Variants in ALDH16A1 observed in about 807,000 individuals in gnomAD.
ALDH16A1 encodes aldehyde dehydrogenase 16 family member A1, also known as aldehyde dehydrogenase family 16 member A1.
Under a neutral mutation model 96.1 loss-of-function variants are expected in ALDH16A1, and 88 were observed. The ratio of observed to expected loss-of-function variants is 0.92; its 90% CI spans 0.77 to 1.09. The LOEUF (loss-of-function observed/expected upper bound fraction) is 1.09. ALDH16A1 is among the 50% of genes least tolerant of loss of function. The probability of loss-of-function intolerance (pLI) is 0.00; values close to 1 mark genes in which losing one functional copy is unlikely to be tolerated. For missense variants in ALDH16A1, 1,250 were observed against 1,112.6 expected, an observed-to-expected ratio of 1.12 and a Z score of -1.76; for synonymous variants, 522 against 496.4, an observed-to-expected ratio of 1.05 and a Z score of -0.69.
chr19:49,470,264 A>G, intron 16 of ALDH16A1, 42 bp from the exon 17 acceptor site: 1 of 1,608,120 alleles, frequency 6.2e-7, no homozygotes, highest in Middle Eastern at 1.7e-4. Flanking sequence ...GCTCAGCAAC[A>G]AGCCTGCAGA....
rs774176254 is a variant in ALDH16A1 at position 49,468,518 on chromosome 19, C to T, written c.2076C>T (p.Val692=). ...APALAYGNTV[V]MVPSAACPLL... ...CCCTGGCCTACGGCAACACTGTGGT[C>T]ATGGTGCCCAGTGCGGCCTGTCCTC... Residue 692 remains valine, a synonymous_variant, in exon 15 of 17, where the codon GTC becomes GTT. Coordinates refer to ENST00000293350, the MANE Select transcript of ALDH16A1 (RefSeq NM_153329.4). The surrounding 1 kb of genome is among the most constrained non-coding windows in gnomAD (Gnocchi z 4.4). The T allele has an allele frequency of 1.4e-5, 22 of 1,604,556 alleles. No individual in the cohort carries two copies. Among genetic ancestry groups the T allele is most frequent in the Non-Finnish European group, 1.8e-5 (21 of 1,179,908 alleles).
intron 16 of ALDH16A1, chr19:49,470,093 T>C: frequency 8.9e-6 from 5 of 564,382 alleles, no homozygotes; most frequent in Non-Finnish European, 1.6e-5. Context: ...CCTTTCAACA[T>C]GGGCTGTTAA....
Position 49,459,302 on chromosome 19 carries a change from A to G in ALDH16A1, c.320+216A>G, listed in dbSNP as rs1167450360. On this transcript the variant is annotated intron_variant, in intron 3 of 16. Transcript: ENST00000293350. The surrounding 1 kb of genome is among the most constrained non-coding windows in gnomAD (Gnocchi z 4.1). The stretch of plus-strand genomic sequence containing the variant: ...CCACAAAGCCTCTATTTCCCAGGAC[A>G]TTCTTGGAGTGCATTGGGGCTCAGT... 4.6e-5 allele frequency among the ~76,000 whole-genome samples: 7 copies of G among 152,206 alleles called. No individual in the cohort carries two copies. Among genetic ancestry groups the G allele is most frequent in the Middle Eastern group, 3.2e-3 (1 of 316 alleles).
chr19:49,468,337 G>T lies in ALDH16A1; in HGVS notation c.1939-44G>T. On this transcript the variant is annotated intron_variant, in intron 14 of 16. Transcript: ENST00000293350. This position sits in a 1 kb window ranked among gnomAD's most constrained non-coding sequence, Gnocchi z 4.4. Reference sequence around the variant, plus strand: ...GGAACTGGATCTCTCATTTACTGCGGGCGGGGCTCCCCTGCCCCACACGTG... The same window carrying T: ...GGAACTGGATCTCTCATTTACTGCGTGCGGGGCTCCCCTGCCCCACACGTG... 3 of 1,571,098 alleles carry T rather than the reference G, an allele frequency of 1.9e-6. No homozygotes were observed. Among genetic ancestry groups the T allele is most frequent in the South Asian group, 1.1e-5 (1 of 88,962 alleles).
chr19:49,467,876 C>G (rs1266649873), intron 14 of ALDH16A1, among the ~76,000 whole-genome samples: 1 of 151,352 alleles, frequency 6.6e-6, no homozygotes, highest in Non-Finnish European at 1.5e-5. Flanking sequence ...GAAAATAGAC[C>G]AGGCGCAGTG....
At chr19:49,460,567 A>C (rs1401364697) in intron 4 of ALDH16A1, among the ~76,000 whole-genome samples, 3 of 151,432 alleles carry the variant, frequency 2.0e-5, no homozygotes, top group Non-Finnish European at 4.4e-5. Context: ...GGCATGCACC[A>C]CCACGCCTGG....
Position 49,470,582 on chromosome 19 carries a change from C to A in ALDH16A1, c.*115C>A. On this transcript the variant is annotated 3_prime_UTR_variant, in exon 17 of 17. Transcript: ENST00000293350. ...TGTGTCTCCCAATAAACTCTCTGACCAACCCTAGCTGTGCTTCTGCGAGAA... is the reference window on the plus strand; with the variant it reads ...TGTGTCTCCCAATAAACTCTCTGACAAACCCTAGCTGTGCTTCTGCGAGAA... 4 of 1,219,604 alleles carry A rather than the reference C, an allele frequency of 3.3e-6. No homozygotes were observed. The highest frequency in any genetic ancestry group is 4.3e-6 in the Non-Finnish European group (4 of 919,866). The allele number at this position is 1,219,604 out of a possible 1,614,324, so 75.5% of individuals were successfully genotyped here.
Position 49,470,650 on chromosome 19 carries a change from T to TTTC in ALDH16A1, c.*185_*186insCTT. On this transcript the variant is annotated 3_prime_UTR_variant, in exon 17 of 17. Coordinates refer to ENST00000293350, the MANE Select transcript of ALDH16A1 (RefSeq NM_153329.4). ...TCTGGCAGATATGAGGCTTTTTTCT[T>TTTC]TTTTTTTTTTTTTTTTGAGACAACG... The TTTC allele has an allele frequency of 6.2e-6, 2 of 320,740 alleles. No individual in the cohort carries two copies. Among genetic ancestry groups the TTTC allele is most frequent in the Non-Finnish European group, 1.0e-5 (2 of 199,454 alleles). The allele number at this position is 320,740 out of a possible 1,614,324, so 19.9% of individuals were successfully genotyped here. A position where few individuals can be genotyped will look rare whatever the true frequency, so the allele number is the denominator to read the frequency against.
chr19:49,461,744 C>T lies in ALDH16A1; in HGVS notation c.703C>T (p.Pro235Ser), dbSNP rs1414675437. 5.6e-6 allele frequency: 9 copies of T among 1,610,006 alleles called. No homozygotes were observed. The highest frequency in any genetic ancestry group is 7.6e-6 in the Non-Finnish European group (9 of 1,178,272). ...NVLSGPASLV[P>S]ILASQPGIRK... ...CCTCAGTGGCCCTGCGTCCCTGGTGCCCATCCTGGCCTCCCAGCCTGGAAT... is the reference window on the plus strand; with the variant it reads ...CCTCAGTGGCCCTGCGTCCCTGGTGTCCATCCTGGCCTCCCAGCCTGGAAT... Residue 235 changes from proline to serine, a missense_variant, in exon 6 of 17, where the codon CCC becomes TCC. Pro to Ser is a moderately conservative substitution (Grantham distance 74). Transcript: ENST00000293350.
In ALDH16A1 at chr19:49,464,233, G is replaced by T. The variant is rs1423977552; in HGVS notation, c.1301G>T (p.Arg434Met). ...GGCAGCGCCAGTGTGTGGAGCGAGA[G>T]GCTGGGGCAGGCGCTGGAGCTGGGC... ...RGGSASVWSERLGQALELGYG... is the reference protein window; with the variant it reads ...RGGSASVWSEMLGQALELGYG... Residue 434 changes from arginine (R) to methionine (M), a missense_variant, in exon 10 of 17, where the codon AGG (arginine) becomes ATG (methionine). Transcript: ENST00000293350. The T allele has an allele frequency of 8.1e-6, 13 of 1,603,610 alleles. No homozygotes were observed. Among genetic ancestry groups the T allele is most frequent in the Non-Finnish European group, 1.1e-5 (13 of 1,179,424 alleles).
intron 10 of ALDH16A1, 44 bp downstream of exon 10, chr19:49,464,307 C>G (rs1312815093): frequency 1.9e-6 from 3 of 1,593,160 alleles, no homozygotes; most frequent in Non-Finnish European, 2.6e-6. Context: ...CCTCATTCTT[C>G]CATCTTCATC....
At chr19:49,461,158 T>TGGGTCTGAGGGAGGAGGGGCTG in intron 5 of ALDH16A1, among the ~76,000 whole-genome samples, 1 of 129,792 alleles carries the variant, frequency 7.7e-6, no homozygotes. Flanking sequence ...TCTGGACTCC[T>TGGGTCTGAGGGAGGAGGGGCTG]GGGTCTGAGG....
At chr19:49,462,295 T>C (rs540249022) in intron 7 of ALDH16A1, among the ~76,000 whole-genome samples, 106 of 152,008 alleles carry the variant, frequency 7.0e-4, no homozygotes, top group Admixed American at 1.3e-3. Flanking sequence ...CCACCATGCC[T>C]GGCTAATTTA....
At position 49,468,298 on chromosome 19, in the gene ALDH16A1, G is replaced by A; in HGVS notation, c.1939-83G>A. 1 of 1,427,772 alleles carries A rather than the reference G, an allele frequency of 7.0e-7. No homozygotes were observed. Among genetic ancestry groups the A allele is most frequent in the South Asian group, 1.3e-5 (1 of 77,846 alleles). 88.4% of individuals were successfully genotyped at this position (1,427,772 alleles called of 1,614,324 possible). A position where few individuals can be genotyped will look rare whatever the true frequency, so the allele number is the denominator to read the frequency against. ...GCGGTTTGGGCCAACACCAAGTGTT[G>A]GGGAGAATGTAGAGGAACTGGATCT... On this transcript the variant is annotated intron_variant, in intron 14 of 16. Coordinates refer to ENST00000293350, the MANE Select transcript of ALDH16A1 (RefSeq NM_153329.4). This position sits in a 1 kb window ranked among gnomAD's most constrained non-coding sequence, Gnocchi z 4.4.
At chr19:49,460,714 A>ATTTTTT in intron 4 of ALDH16A1, 108 bp from the exon 5 acceptor site, 2 of 652,726 alleles carry the variant, frequency 3.1e-6, no homozygotes, top group South Asian at 1.8e-5. Context: ...ACACCCGGCC[A>ATTTTTT]TTTTTTTTTT....
At chr19:49,463,993 A>G (rs759835501) in intron 9 of ALDH16A1, 44 bp downstream of exon 9, 2 of 1,586,056 alleles carry the variant, frequency 1.3e-6, no homozygotes, top group South Asian at 1.1e-5. Context: ...CCGCCAGCCA[A>G]GGGCAGCAGC....
chr19:49,455,071 T>C (rs575588652), intron 1 of ALDH16A1, among the ~76,000 whole-genome samples: 3 of 147,612 alleles, frequency 2.0e-5, no homozygotes, highest in Non-Finnish European at 4.4e-5. Flanking sequence ...TAAGCTGAGA[T>C]TGCACCACTG....
intron 14 of ALDH16A1, among the ~76,000 whole-genome samples, chr19:49,467,221 A>T (rs1208825116): frequency 6.6e-6 from 1 of 151,840 alleles, no homozygotes; most frequent in Non-Finnish European, 1.5e-5. Flanking sequence ...GAGACTCGCC[A>T]TGTTGCCCAG....
Position 49,470,349 on chromosome 19 carries a change from C to G in ALDH16A1, c.2291C>G (p.Pro764Arg). ...TGGGCCTCGGCAGGAAACCTCAAACCGGTGTGGGCGAGCAGGGGCTGCCCG... is the reference window on the plus strand; with the variant it reads ...TGGGCCTCGGCAGGAAACCTCAAACGGGTGTGGGCGAGCAGGGGCTGCCCG... ...VEWASAGNLKPVWASRGCPRA... is the reference protein window; with the variant it reads ...VEWASAGNLKRVWASRGCPRA... The change falls in exon 17 of 17, where the codon CCG becomes CGG. Residue 764 changes from proline (P) to arginine (R), a missense_variant. Coordinates refer to ENST00000293350, the MANE Select transcript of ALDH16A1 (RefSeq NM_153329.4). 1.2e-6 allele frequency: 2 copies of G among 1,613,380 alleles called. No homozygotes were observed. The highest frequency in any genetic ancestry group is 1.7e-6 in the Non-Finnish European group (2 of 1,179,868).
Sources: allele counts gnomAD v4.1 joint callset (sites outside exome capture counted in the v4.1 genomes callset), GRCh38; gene constraint gnomAD v4.1.1; non-coding constraint Gnocchi (gnomAD v3.1); transcripts MANE v1.5; gene names NCBI Gene and HGNC (gene_info 2026-07-23, HGNC 2026-07-21).